Variants in PTPRG observed in about 807,000 individuals in gnomAD.
PTPRG encodes receptor-type tyrosine-protein phosphatase gamma.
A neutral mutation model predicts 165.3 loss-of-function variants in PTPRG; 102 were observed. The ratio of observed to expected loss-of-function variants is 0.62; its 90% confidence interval spans 0.53 to 0.73. PTPRG has a LOEUF of 0.73. Among genes scored for constraint, PTPRG ranks in the 30% least tolerant of loss-of-function variants. The pLI is 0.00. For synonymous variants in PTPRG, 675 were observed against 669.5 expected (o/e 1.01, Z -0.13); for missense variants, 1,866 against 1,861.4 (o/e 1.00, Z -0.05).
At chr3:62,178,488 G>A (rs1705522496) in intron 8 of PTPRG, among the ~76,000 whole-genome samples, 2 of 152,158 alleles carry the variant, frequency 1.3e-5, no homozygotes, top group African/African-American at 4.8e-5. Flanking sequence ...CTGGGATTGG[G>A]GAAGCCACCT....
At chr3:61,810,023 G>C (rs1386811236) in intron 2 of PTPRG, among the ~76,000 whole-genome samples, 3 of 152,196 alleles carry the variant, frequency 2.0e-5, no homozygotes, top group Non-Finnish European at 4.4e-5. Context: ...CTGGGAAACT[G>C]TTTAGCCTGT....
intron 19 of PTPRG, among the ~76,000 whole-genome samples, chr3:62,268,340 T>C (rs995196056): frequency 3.9e-5 from 6 of 151,926 alleles, no homozygotes; most frequent in African/African-American, 1.2e-4. Flanking sequence ...GGATTATGAG[T>C]TTACATTAGA....
At chr3:61,791,795 A>C (rs1402202379) in intron 2 of PTPRG, among the ~76,000 whole-genome samples, 1 of 152,214 alleles carries the variant, frequency 6.6e-6, no homozygotes, top group Non-Finnish European at 1.5e-5. Flanking sequence ...GCCTGTTTCT[A>C]ATAAACTTAT....
chr3:62,077,248 CAGAGTG>C (rs1701417907), intron 4 of PTPRG, among the ~76,000 whole-genome samples: 1 of 149,380 alleles, frequency 6.7e-6, no homozygotes, highest in Non-Finnish European at 1.5e-5. Context: ...GCCTCGGCCA[CAGAGTG>C]AGAGTGAGTT....
chr3:61,732,216 T>G (rs948568929), intron 1 of PTPRG, among the ~76,000 whole-genome samples: 2 of 152,220 alleles, frequency 1.3e-5, no homozygotes, highest in Non-Finnish European at 2.9e-5. Context: ...CATTTTGACA[T>G]GTAATCAGAA....
intron 2 of PTPRG, among the ~76,000 whole-genome samples, chr3:61,830,554 CTTTTTGTTTTTGTTTTT>C (rs1417304202): frequency 8.7e-6 from 1 of 115,514 alleles, no homozygotes; most frequent in Admixed American, 9.2e-5. Flanking sequence ...GGTGATGGTT[CTTTTTGTTTTTGTTTTT>C]TTTTTTTTTT....
intron 1 of PTPRG, among the ~76,000 whole-genome samples, chr3:61,661,086 T>C (rs1702649839): frequency 6.6e-6 from 1 of 152,046 alleles, no homozygotes; most frequent in Non-Finnish European, 1.5e-5. Flanking sequence ...TTTTTTTTTC[T>C]TTAAGAGACA....
At chr3:61,877,718 G>A (rs1261792147) in intron 2 of PTPRG, among the ~76,000 whole-genome samples, 1 of 152,172 alleles carries the variant, frequency 6.6e-6, no homozygotes, top group African/African-American at 2.4e-5. Context: ...AATGATGACA[G>A]TAAAAAGGAG....
intron 2 of PTPRG, among the ~76,000 whole-genome samples, chr3:61,927,871 G>A (rs1473079308): frequency 1.3e-5 from 2 of 152,078 alleles, no homozygotes; most frequent in African/African-American, 4.8e-5. Flanking sequence ...TTTCATCATT[G>A]TTTGATTGGT....
At chr3:61,656,522 T>C (rs1702513957) in intron 1 of PTPRG, among the ~76,000 whole-genome samples, 1 of 152,252 alleles carries the variant, frequency 6.6e-6, no homozygotes, top group Non-Finnish European at 1.5e-5. Flanking sequence ...CCAGTGCCAA[T>C]TACTTGGTAC....
intron 5 of PTPRG, among the ~76,000 whole-genome samples, chr3:62,108,950 A>G (rs1048067340): frequency 3.4e-5 from 3 of 87,972 alleles, no homozygotes; most frequent in Non-Finnish European, 5.2e-5. Flanking sequence ...CCTTTGTCAG[A>G]TGGATAGATT....
intron 2 of PTPRG, among the ~76,000 whole-genome samples, chr3:61,818,052 G>A (rs1444166089): frequency 6.6e-6 from 1 of 150,678 alleles, no homozygotes; most frequent in Non-Finnish European, 1.5e-5. Flanking sequence ...GAAAATAACA[G>A]TGGGAGATCT....
At chr3:61,990,899 C>CTTTTT (rs10662494) in intron 3 of PTPRG, among the ~76,000 whole-genome samples, 2 of 139,202 alleles carry the variant, frequency 1.4e-5, no homozygotes, top group Admixed American at 7.2e-5. Context: ...ACAAAGTTGC[C>CTTTTT]TTTTTTTTTT....
chr3:61,903,140 T>C (rs1277917238), intron 2 of PTPRG, among the ~76,000 whole-genome samples: 1 of 152,158 alleles, frequency 6.6e-6, no homozygotes, highest in African/African-American at 2.4e-5. Context: ...CCCTCTCCCT[T>C]TATCTGTCCC....
intron 4 of PTPRG, among the ~76,000 whole-genome samples, chr3:62,042,565 C>G (rs1047106704): frequency 6.6e-6 from 1 of 152,130 alleles, no homozygotes; most frequent in African/African-American, 2.4e-5. Context: ...CACCGCCACC[C>G]TGCATGACCA....
chr3:61,583,170 G>T (rs1050747336), intron 1 of PTPRG, among the ~76,000 whole-genome samples: 2 of 152,218 alleles, frequency 1.3e-5, no homozygotes, highest in African/African-American at 4.8e-5. Flanking sequence ...ATTAGTGACT[G>T]CTAGCTGGCA....
chr3:61,740,192 A>T (rs1223845119), intron 1 of PTPRG, among the ~76,000 whole-genome samples: 1 of 152,198 alleles, frequency 6.6e-6, no homozygotes, highest in Non-Finnish European at 1.5e-5. Flanking sequence ...ACTGTCTGTC[A>T]CTGATCTTCA....
chr3:61,936,582 T>A (rs2039490709), intron 2 of PTPRG, among the ~76,000 whole-genome samples: 1 of 152,100 alleles, frequency 6.6e-6, no homozygotes, highest in Non-Finnish European at 1.5e-5. Flanking sequence ...GAGGTACAGA[T>A]GAGGGCCAGA....
At chr3:61,987,158 G>A (rs2040782862) in intron 2 of PTPRG, among the ~76,000 whole-genome samples, 1 of 152,160 alleles carries the variant, frequency 6.6e-6, no homozygotes, top group African/African-American at 2.4e-5. Context: ...TAATGACATA[G>A]GGGTTTTTGC....
Sources: gnomAD v4.1 joint callset for allele counts (sites outside exome capture counted in the v4.1 genomes callset) on GRCh38, gnomAD v4.1.1 for gene constraint, MANE v1.5 for transcripts, NCBI Gene and HGNC (gene_info 2026-07-23, HGNC 2026-07-21) for gene names.